The following TOGARAM1 variants were observed in gnomAD, a reference collection of about 807,000 sequenced individuals.
The protein encoded by TOGARAM1 is TOG array regulator of axonemal microtubules 1, also known as TOG array regulator of axonemal microtubules protein 1.
In TOGARAM1, 100 loss-of-function variants were observed where a neutral mutation model predicts 166.6. The ratio of observed to expected loss-of-function variants is 0.60; its 90% CI spans 0.51 to 0.71. The LOEUF is 0.71. Among genes scored for constraint, TOGARAM1 ranks in the 30% least tolerant of loss-of-function variants. The probability of loss-of-function intolerance (pLI) is 0.00; values close to 1 mark genes in which losing one functional copy is unlikely to be tolerated. For synonymous variants in TOGARAM1, 758 were observed against 763.8 expected (o/e 0.99, Z 0.13); for missense variants, 2,029 against 2,102.7 (o/e 0.96, Z 0.69).
intron 1 of TOGARAM1, among the ~76,000 whole-genome samples, chr14:44,980,113 C>A (rs1186202811): frequency 6.6e-6 from 1 of 152,140 alleles, no homozygotes; most frequent in East Asian, 1.9e-4. Flanking sequence ...TTATGTATGT[C>A]ACATATTCAT....
intron 1 of TOGARAM1, among the ~76,000 whole-genome samples, chr14:44,977,231 C>CTTTTTTTT (rs397707333): frequency 8.1e-6 from 1 of 123,320 alleles, no homozygotes; most frequent in Non-Finnish European, 1.7e-5. Flanking sequence ...ATTAGACAGA[C>CTTTTTTTT]TTTTTTTTTT....
chr14:45,060,217 CTT>C (rs771278378), intron 16 of TOGARAM1, among the ~76,000 whole-genome samples: 13 of 116,590 alleles, frequency 1.1e-4, no homozygotes, highest in Admixed American at 8.9e-5. Flanking sequence ...TGCACCCGGC[CTT>C]TTTTTTTTTT....
chr14:44,964,456 G>C lies in TOGARAM1; in HGVS notation c.2035G>C (p.Asp679His). ...AGAAAACCAGACCTCCACTTCCAAGGATATAGAGCAGGTATGCTTCTCTAA... is the reference window on the plus strand; with the variant it reads ...AGAAAACCAGACCTCCACTTCCAAGCATATAGAGCAGGTATGCTTCTCTAA... ...MGENQTSTSK[D>H]IEQFSTYDFI... Residue 679 changes from aspartate (D) to histidine (H), a missense_variant, in exon 1 of 20, where the codon GAT (aspartate) becomes CAT (histidine). Coordinates refer to ENST00000361462, the MANE Select transcript of TOGARAM1 (RefSeq NM_001308120.2). 3.2e-6 allele frequency: 5 copies of C among 1,568,878 alleles called. No individual in the cohort carries two copies. Among genetic ancestry groups the C allele is most frequent in the Non-Finnish European group, 4.3e-6 (5 of 1,158,448 alleles).
Position 45,028,260 on chromosome 14 carries a change from T to A in TOGARAM1, c.3589T>A (p.Cys1197Ser), listed in dbSNP as rs1169401486. The A allele has an allele frequency of 1.2e-6, 2 of 1,604,722 alleles. No individual in the cohort carries two copies. Among genetic ancestry groups the A allele is most frequent in the East Asian group, 4.5e-5 (2 of 44,582 alleles). ...GAAAGAACTGTTTCACAATAAAGAT[T>A]GTGAAAAGAAGGAAAAAAATTCCTG... The part of the protein sequence containing the change: ...EEKELFHNKD[C>S]EKKEKNSWER... Residue 1197 changes from cysteine to serine, a missense_variant, in exon 10 of 20, where the codon TGT (cysteine) becomes AGT (serine). Transcript: ENST00000361462.
At chr14:45,013,236 C>G (rs965593257) in intron 7 of TOGARAM1, among the ~76,000 whole-genome samples, 2 of 152,158 alleles carry the variant, frequency 1.3e-5, no homozygotes, top group East Asian at 1.9e-4. Context: ...CTCTGGGAAG[C>G]CTTCCTTAAT....
intron 1 of TOGARAM1, 141 bp from the exon 2 acceptor site, chr14:44,995,605 T>C (rs1202611884): frequency 4.4e-6 from 3 of 675,414 alleles, no homozygotes; most frequent in Non-Finnish European, 7.9e-6. Flanking sequence ...TAAATATGGA[T>C]GTTTATCTGT....
intron 13 of TOGARAM1, among the ~76,000 whole-genome samples, chr14:45,045,567 ATATATATATATATATATGTG>A (rs1177896535): frequency 2.7e-4 from 11 of 41,506 alleles, no homozygotes; most frequent in Non-Finnish European, 3.1e-4. Context: ...ATATATATAT[ATATATATATATATATATGTG>A]TGTGTGTGTG....
rs1883400171 is a variant in TOGARAM1, at chr14:45,071,863, A to G, written c.5056+65A>G. On this transcript the variant is annotated intron_variant, in intron 19 of 19. Coordinates refer to ENST00000361462, the MANE Select transcript of TOGARAM1 (RefSeq NM_001308120.2). ...TAAGGATAAACTGATAAACTGTTTC[A>G]ATTTAATTTTAGGATAGCTACCAAC... 8.6e-6 allele frequency: 11 copies of G among 1,271,802 alleles called. 1 individual carries two copies. The South Asian group carries it at 1.4e-4, about 16-fold the overall frequency. 78.8% of individuals were successfully genotyped at this position (1,271,802 alleles called of 1,614,324 possible). A position where few individuals can be genotyped will look rare whatever the true frequency, so the allele number is the denominator to read the frequency against.
intron 10 of TOGARAM1, 62 bp from the exon 11 acceptor site, chr14:45,032,161 A>G (rs1661746441): frequency 6.7e-7 from 1 of 1,496,456 alleles, no homozygotes; most frequent in African/African-American, 1.4e-5. Flanking sequence ...CTCCATCTCA[A>G]AAAGATAAAA....
rs1011129418 is a variant in TOGARAM1 at position 45,061,378 on chromosome 14, T to G, written c.4560-5200T>G. Reference sequence around the variant, plus strand: ...CCTTTCAAATCTGTATGCATCTAATTTATTTTTCCTACCTTAATACTGTGC... The same window carrying G: ...CCTTTCAAATCTGTATGCATCTAATGTATTTTTCCTACCTTAATACTGTGC... On this transcript the variant is annotated intron_variant, in intron 16 of 19. Coordinates refer to ENST00000361462, the MANE Select transcript of TOGARAM1 (RefSeq NM_001308120.2). Among the ~76,000 whole-genome samples the G allele has an allele frequency of 4.6e-5, 7 of 152,202 alleles. No individual in the cohort carries two copies. In the East Asian group the frequency reaches 1.3e-3, roughly 29 times the overall value.
intron 1 of TOGARAM1, among the ~76,000 whole-genome samples, chr14:44,968,694 C>G (rs1885699350): frequency 6.6e-6 from 1 of 152,140 alleles, no homozygotes; most frequent in Admixed American, 6.5e-5. Context: ...ATCAGTGAAC[C>G]CATATTAACA....
intron 1 of TOGARAM1, chr14:44,978,372 A>T (rs1315214803): frequency 6.6e-6 from 1 of 152,256 alleles, no homozygotes; most frequent in East Asian, 1.9e-4. Flanking sequence ...CTAACCATAC[A>T]TGTATGACAT....
chr14:44,990,397 T>A (rs1164816277), intron 1 of TOGARAM1, among the ~76,000 whole-genome samples: 3 of 152,246 alleles, frequency 2.0e-5, no homozygotes, highest in African/African-American at 7.2e-5. Flanking sequence ...CTCAGTCACT[T>A]ATATGAGGAA....
chr14:45,052,608 T>G (rs1882428748), intron 15 of TOGARAM1, 46 bp downstream of exon 15: 2 of 1,530,244 alleles, frequency 1.3e-6, no homozygotes, highest in East Asian at 4.6e-5. Flanking sequence ...TAAGCAAAGC[T>G]TGTTTTTACA....
chr14:44,993,297 A>T (rs1031223272), intron 1 of TOGARAM1, among the ~76,000 whole-genome samples: 1 of 151,446 alleles, frequency 6.6e-6, no homozygotes, highest in Non-Finnish European at 1.5e-5. Flanking sequence ...AAAAACAAAA[A>T]CAAAAACAAA....
chr14:45,030,560 A>G (rs184838999), intron 10 of TOGARAM1, among the ~76,000 whole-genome samples: 3 of 152,270 alleles, frequency 2.0e-5, no homozygotes, highest in Admixed American at 1.3e-4. Context: ...TTATTTATAC[A>G]TGTTAGTCTT....
At chr14:44,989,209 C>A (rs904358558) in intron 1 of TOGARAM1, among the ~76,000 whole-genome samples, 1 of 152,156 alleles carries the variant, frequency 6.6e-6, no homozygotes, top group African/African-American at 2.4e-5. Flanking sequence ...TTTTAAAATG[C>A]TGAACTTGCC....
chr14:44,968,491 G>T (rs1336139357), intron 1 of TOGARAM1, among the ~76,000 whole-genome samples: 1 of 152,136 alleles, frequency 6.6e-6, no homozygotes. Context: ...CTCGTGATCT[G>T]CCCGCCTCGG....
intron 17 of TOGARAM1, 62 bp from the exon 18 acceptor site, chr14:45,068,362 C>A: frequency 2.6e-6 from 3 of 1,175,404 alleles, no homozygotes; most frequent in South Asian, 3.0e-5. Context: ...TGCCAAGATA[C>A]TTATAAATAC....
Sources: allele counts gnomAD v4.1 joint callset (sites outside exome capture counted in the v4.1 genomes callset), GRCh38; gene constraint gnomAD v4.1.1; transcripts MANE v1.5; gene names NCBI Gene and HGNC (gene_info 2026-07-23, HGNC 2026-07-21).